Variants in VWC2 observed in about 807,000 individuals in gnomAD.
VWC2 encodes the protein von Willebrand factor C domain containing 2.
VWC2 carries 14 observed loss-of-function variants against 29.8 expected under a neutral mutation model. That is an observed-to-expected ratio of 0.47 (90% CI 0.31 to 0.74). VWC2 has a LOEUF of 0.74. VWC2 is among the 30% of genes least tolerant of loss of function. The pLI, the probability that VWC2 is intolerant of heterozygous loss-of-function variation, is 0.05. For synonymous variants in VWC2, 213 were observed against 199.0 expected (o/e 1.07, Z -0.59); for missense variants, 457 against 459.8 (o/e 0.99, Z 0.05).
At chr7:49,788,785 TGTGG>T (rs1394018220) in intron 2 of VWC2, among the ~76,000 whole-genome samples, 1 of 143,364 alleles carries the variant, frequency 7.0e-6, no homozygotes, top group Non-Finnish European at 1.5e-5. Flanking sequence ...TGTGTATGAG[TGTGG>T]GTGAGTGTGA....
At chr7:49,835,838 C>T (rs1470006155) in intron 3 of VWC2, among the ~76,000 whole-genome samples, 2 of 152,156 alleles carry the variant, frequency 1.3e-5, no homozygotes, top group Non-Finnish European at 2.9e-5. Flanking sequence ...CTCTTTGAAC[C>T]TTTTGCTTCT....
At chr7:49,778,395 C>T (rs1030230393) in intron 2 of VWC2, among the ~76,000 whole-genome samples, 4 of 152,298 alleles carry the variant, frequency 2.6e-5, no homozygotes, top group African/African-American at 4.8e-5. Flanking sequence ...CATTTATTAC[C>T]AGATGCTGGG....
intron 2 of VWC2, among the ~76,000 whole-genome samples, chr7:49,781,004 C>T (rs573880569): frequency 6.6e-6 from 1 of 152,316 alleles, no homozygotes; most frequent in South Asian, 2.1e-4. Context: ...GAGAAAGCTA[C>T]GGTTATTCAC....
chr7:49,871,867 G>T (rs1485190615), intron 3 of VWC2, among the ~76,000 whole-genome samples: 1 of 140,364 alleles, frequency 7.1e-6, no homozygotes, highest in Non-Finnish European at 1.5e-5. Flanking sequence ...ACATACATAT[G>T]TGCATATATA....
chr7:49,871,350 C>T (rs186381291), intron 3 of VWC2, among the ~76,000 whole-genome samples: 3 of 152,174 alleles, frequency 2.0e-5, no homozygotes, highest in East Asian at 1.9e-4. Context: ...TAAGGTATAT[C>T]CCATGGTTTT....
intron 3 of VWC2, among the ~76,000 whole-genome samples, chr7:49,910,291 T>C (rs918660492): frequency 1.3e-5 from 2 of 152,196 alleles, no homozygotes; most frequent in Admixed American, 6.5e-5. Context: ...CAAAGGCCAG[T>C]TGTTATTCTG....
At chr7:49,811,373 T>C (rs1789002271) in intron 3 of VWC2, among the ~76,000 whole-genome samples, 1 of 152,210 alleles carries the variant, frequency 6.6e-6, no homozygotes, top group Non-Finnish European at 1.5e-5. Flanking sequence ...GGGTTGATGC[T>C]GTTCTTGTGA....
chr7:49,850,780 T>C (rs1790143854), intron 3 of VWC2, among the ~76,000 whole-genome samples: 1 of 152,338 alleles, frequency 6.6e-6, no homozygotes, highest in African/African-American at 2.4e-5. Flanking sequence ...CTCAGTTACA[T>C]CATGGGTACA....
intron 3 of VWC2, among the ~76,000 whole-genome samples, chr7:49,886,334 C>G (rs1019855362): frequency 3.3e-5 from 5 of 152,096 alleles, no homozygotes; most frequent in Non-Finnish European, 7.4e-5. Flanking sequence ...ACCACATTAG[C>G]CTGACCTCTA....
At chr7:49,774,275 G>C (rs1788002831) in intron 1 of VWC2, among the ~76,000 whole-genome samples, 162 bp downstream of exon 1, 1 of 152,172 alleles carries the variant, frequency 6.6e-6, no homozygotes, top group African/African-American at 2.4e-5. Flanking sequence ...TGTTGAGGTC[G>C]GCAGGGACCG....
Position 49,794,294 on chromosome 7 carries a change from T to C in VWC2, c.697-8417T>C, listed in dbSNP as rs1212479240. The stretch of plus-strand genomic sequence containing the variant: ...ATGAAATACTATCATTTGGTTTGCA[T>C]TTTTCTGATTTTTAATGAGATGGAA... On this transcript the variant is annotated intron_variant, in intron 2 of 3. Coordinates refer to ENST00000340652, the MANE Select transcript of VWC2 (RefSeq NM_198570.5). 1.3e-5 allele frequency among the ~76,000 whole-genome samples: 2 copies of C among 152,238 alleles called. 1 individual carries two copies. Among genetic ancestry groups the C allele is most frequent in the East Asian group, 3.8e-4 (2 of 5,202 alleles).
chr7:49,885,523 A>C (rs1235674696), intron 3 of VWC2, among the ~76,000 whole-genome samples: 2 of 151,606 alleles, frequency 1.3e-5, no homozygotes, highest in African/African-American at 4.8e-5. Context: ...TATAATTAGG[A>C]TTTTTTCTAA....
chr7:49,833,772 G>A (rs1789592740), intron 3 of VWC2, among the ~76,000 whole-genome samples: 1 of 152,140 alleles, frequency 6.6e-6, no homozygotes, highest in South Asian at 2.1e-4. Context: ...GTCTCAGATG[G>A]CTTGAACCAG....
chr7:49,833,587 T>C (rs915639511), intron 3 of VWC2, among the ~76,000 whole-genome samples: 2 of 152,154 alleles, frequency 1.3e-5, no homozygotes, highest in Non-Finnish European at 2.9e-5. Context: ...AAAAATGAGG[T>C]AATCAGTGGT....
Position 49,807,887 on chromosome 7 carries a change from A to T in VWC2, c.826+5047A>T, listed in dbSNP as rs79515474. 8.7e-3 allele frequency among the ~76,000 whole-genome samples: 1,322 copies of T among 152,296 alleles called. 10 individuals carry two copies. Among genetic ancestry groups the T allele is most frequent in the Non-Finnish European group, 0.012 (821 of 67,990 alleles). On this transcript the variant is annotated intron_variant, in intron 3 of 3. Transcript: ENST00000340652. ...ATAATTAACTAATATCTATTTAAAT[A>T]ATACCAACACATCCAAATAAAGCAG...
At chr7:49,857,432 C>T (rs1790471676) in intron 3 of VWC2, among the ~76,000 whole-genome samples, 1 of 152,152 alleles carries the variant, frequency 6.6e-6, no homozygotes, top group Non-Finnish European at 1.5e-5. Flanking sequence ...ATCCATCTGT[C>T]CAGGGGCACT....
intron 3 of VWC2, among the ~76,000 whole-genome samples, chr7:49,846,838 A>C (rs1272103005): frequency 6.6e-6 from 1 of 152,186 alleles, no homozygotes; most frequent in Admixed American, 6.5e-5. Context: ...ACAGCCAGAG[A>C]AGTAGGTTCC....
Position 49,880,572 on chromosome 7 carries a change from AT to A in VWC2, c.827-31456del, listed in dbSNP as rs1303065565. Among the ~76,000 whole-genome samples, 6 of 150,738 alleles carry A rather than the reference AT, an allele frequency of 4.0e-5. 1 individual carries two copies. Among genetic ancestry groups the A allele is most frequent in the Middle Eastern group, 6.8e-3 (2 of 294 alleles). ...TAAATTGTGATTTTTTATCATTTCTATTTTTTATTTTTATTTATTTATTTAT... is the reference window on the plus strand; with the variant it reads ...TAAATTGTGATTTTTTATCATTTCTATTTTTATTTTTATTTATTTATTTAT... On this transcript the variant is annotated intron_variant, in intron 3 of 3. Transcript: ENST00000340652.
chr7:49,825,865 G>A lies in VWC2; in HGVS notation c.826+23025G>A, dbSNP rs1261632579. Among the ~76,000 whole-genome samples, 5 of 152,138 alleles carry A rather than the reference G, an allele frequency of 3.3e-5. No homozygotes were observed. In the East Asian group the frequency reaches 9.6e-4, roughly 29 times the overall value. On this transcript the variant is annotated intron_variant, in intron 3 of 3. Transcript: ENST00000340652. ...CCTCCTCAGACTCCTCACTGTACAT[G>A]CTTATTCCTCGGTTGGCCAGAGTTA...
Sources: allele counts gnomAD v4.1 joint callset (sites outside exome capture counted in the v4.1 genomes callset), GRCh38; gene constraint gnomAD v4.1.1; transcripts MANE v1.5; gene names NCBI Gene and HGNC (gene_info 2026-07-23, HGNC 2026-07-21).